SFSWAP: variants seen among roughly 807,000 people sequenced by gnomAD.
The protein encoded by SFSWAP is splicing factor SWAP, also known as splicing factor, suppressor of white-apricot homolog.
SFSWAP carries 17 observed loss-of-function variants against 100.7 expected under a neutral mutation model. The ratio of observed to expected loss-of-function variants is 0.17; its 90% CI spans 0.12 to 0.25. The LOEUF (loss-of-function observed/expected upper bound fraction) is 0.25. Ranked by LOEUF, SFSWAP falls within the 10% of genes least tolerant of loss-of-function variation. The pLI, the probability that SFSWAP is intolerant of heterozygous loss-of-function variation, is 1.00. For missense variants in SFSWAP, 1,005 were observed against 1,262.6 expected (o/e 0.80, Z 3.09); for synonymous variants, 504 against 510.1 (o/e 0.99, Z 0.16).
intron 15 of SFSWAP, among the ~76,000 whole-genome samples, chr12:131,789,358 T>G (rs1455682966): frequency 1.3e-5 from 2 of 152,152 alleles, no homozygotes; most frequent in Non-Finnish European, 2.9e-5. Context: ...ATAGGCAAGT[T>G]TTTAAAATAG....
intron 4 of SFSWAP, among the ~76,000 whole-genome samples, chr12:131,724,728 G>C (rs1169172753): frequency 6.6e-6 from 1 of 152,248 alleles, no homozygotes; most frequent in African/African-American, 2.4e-5. Context: ...ATGAAGGGAT[G>C]GGGGAGGGCT....
chr12:131,753,079 C>T, intron 7 of SFSWAP, 44 bp from the exon 8 acceptor site: 2 of 1,607,464 alleles, frequency 1.2e-6, no homozygotes, highest in South Asian at 1.1e-5. Flanking sequence ...CATGGACCAG[C>T]CTGTGGCCGG....
At position 131,783,807 on chromosome 12, in the gene SFSWAP, T is replaced by C. The variant is rs955935552; in HGVS notation, c.2409-2656T>C. 2 of 132,516 alleles carry C rather than the reference T, an allele frequency of 1.5e-5. 1 individual carries two copies. The highest frequency in any genetic ancestry group is 3.3e-5 in the Non-Finnish European group (2 of 61,300). 8.2% of individuals were successfully genotyped at this position (132,516 alleles called of 1,614,324 possible). A position where few individuals can be genotyped will look rare whatever the true frequency, so the allele number is the denominator to read the frequency against. On this transcript the variant is annotated intron_variant, in intron 14 of 17. Coordinates refer to ENST00000261674, the MANE Select transcript of SFSWAP (RefSeq NM_004592.4). ...AAAAAACATTTTATATATATATATA[T>C]ATATATATATATATAATTCTTTGTA...
intron 4 of SFSWAP, among the ~76,000 whole-genome samples, chr12:131,723,743 G>A (rs1215715027): frequency 6.6e-6 from 1 of 152,162 alleles, no homozygotes; most frequent in African/African-American, 2.4e-5. Flanking sequence ...CTGACCTGTA[G>A]ATACCTTTCT....
chr12:131,714,634 G>C lies in SFSWAP; in HGVS notation c.389-188G>C, dbSNP rs1877709904. ...AAGACGTGTATTCAGCTGTCTGTGGGTAAACATGTACTGACAAAAGTACAT... is the reference window on the plus strand; with the variant it reads ...AAGACGTGTATTCAGCTGTCTGTGGCTAAACATGTACTGACAAAAGTACAT... On this transcript the variant is annotated intron_variant, in intron 2 of 17. Transcript: ENST00000261674. This position sits in a 1 kb window ranked among gnomAD's most constrained non-coding sequence, Gnocchi z 6.0. 1.7e-6 allele frequency: 1 copy of C among 594,894 alleles called. No individual in the cohort carries two copies. Among genetic ancestry groups the C allele is most frequent in the African/African-American group, 1.9e-5 (1 of 53,854 alleles). 36.9% of individuals were successfully genotyped at this position (594,894 alleles called of 1,614,324 possible).
intron 3 of SFSWAP, among the ~76,000 whole-genome samples, chr12:131,715,938 G>A (rs566683510): frequency 3.9e-5 from 6 of 152,316 alleles, no homozygotes; most frequent in East Asian, 3.9e-4. Context: ...GAGCTCAAGT[G>A]ATCCTACTGC....
At chr12:131,748,745 T>TA (rs1373557549) in intron 7 of SFSWAP, among the ~76,000 whole-genome samples, 1 of 152,264 alleles carries the variant, frequency 6.6e-6, no homozygotes, top group Non-Finnish European at 1.5e-5. Flanking sequence ...GAGAAGGACT[T>TA]ACAAATGTGC....
chr12:131,739,335 G>C (rs12312632), intron 7 of SFSWAP, among the ~76,000 whole-genome samples: 24,935 of 152,022 alleles, frequency 0.16, 2,346 homozygotes, highest in South Asian at 0.28. Flanking sequence ...AATATGCATT[G>C]CCACCGCTAG....
chr12:131,754,599 T>G, intron 9 of SFSWAP, 100 bp downstream of exon 9: 2 of 823,692 alleles, frequency 2.4e-6, no homozygotes, highest in East Asian at 7.6e-5. Flanking sequence ...TTTTTATATA[T>G]TTTTAAGCCT....
rs998441645 is a variant in SFSWAP, at chr12:131,725,452, C to T, written c.654C>T (p.Phe218=). The T allele has an allele frequency of 1.1e-5, 18 of 1,614,052 alleles. No homozygotes were observed. Among genetic ancestry groups the T allele is most frequent in the Admixed American group, 3.3e-5 (2 of 60,006 alleles). The change falls in exon 5 of 18, where the codon TTC becomes TTT. Residue 218 remains phenylalanine, a synonymous_variant. Transcript: ENST00000261674. The surrounding 1 kb of genome is among the most constrained non-coding windows in gnomAD (Gnocchi z 4.3). Reference sequence around the variant, plus strand: ...CCATCATCGAGCGCACGGCCAGCTTCGTGTGCAGGCAGGGAGCACAGTTTG... The same window carrying T: ...CCATCATCGAGCGCACGGCCAGCTTTGTGTGCAGGCAGGGAGCACAGTTTG... ...MHAIIERTAS[F]VCRQGAQFEI... is the part of the protein sequence containing the mutation.
rs773234916 is a variant in SFSWAP, at chr12:131,785,331, C to T, written c.2409-1132C>T. 12 of 1,100,306 alleles carry T rather than the reference C, an allele frequency of 1.1e-5. 1 individual carries two copies. Among genetic ancestry groups the T allele is most frequent in the Non-Finnish European group, 1.4e-5 (11 of 774,346 alleles). 68.2% of individuals were successfully genotyped at this position (1,100,306 alleles called of 1,614,324 possible). ...TCCGTTAAAGGGCAGCCACTCCTGG[C>T]CCTCCAGGATGCCGGGGTCTGAGTG... On this transcript the variant is annotated intron_variant, in intron 14 of 17. Coordinates refer to ENST00000261674, the MANE Select transcript of SFSWAP (RefSeq NM_004592.4).
intron 3 of SFSWAP, among the ~76,000 whole-genome samples, chr12:131,715,187 G>T (rs1260032453): frequency 2.0e-5 from 3 of 152,182 alleles, no homozygotes; most frequent in African/African-American, 4.8e-5. Context: ...ATTGATTCGG[G>T]TAACAGAATT....
rs564543129 is a variant in SFSWAP, at chr12:131,780,550, C to T, written c.2408+2220C>T. On this transcript the variant is annotated intron_variant, in intron 14 of 17. Transcript: ENST00000261674. The stretch of plus-strand genomic sequence containing the variant: ...GATGCTTTGAACTCCTGAGCTCAAG[C>T]GTAGAGTCTGAGGTGGAAGGATTGC... 2.6e-4 allele frequency among the ~76,000 whole-genome samples: 40 copies of T among 152,172 alleles called. 1 individual carries two copies. In the South Asian group the frequency reaches 7.9e-3, roughly 30 times the overall value.
intron 7 of SFSWAP, among the ~76,000 whole-genome samples, chr12:131,735,238 T>C (rs1879895232): frequency 6.6e-6 from 1 of 152,208 alleles, no homozygotes; most frequent in African/African-American, 2.4e-5. Context: ...GCATCATCCC[T>C]ACACGCCCGC....
chr12:131,763,958 C>G (rs1046535876), intron 11 of SFSWAP, among the ~76,000 whole-genome samples: 3 of 152,002 alleles, frequency 2.0e-5, no homozygotes, highest in African/African-American at 7.3e-5. Flanking sequence ...AACCCCATCT[C>G]TACTAAAAAT....
Position 131,725,767 on chromosome 12 carries a change from A to G in SFSWAP, c.832+137A>G, listed in dbSNP as rs1293653522. 1 of 667,446 alleles carries G rather than the reference A, an allele frequency of 1.5e-6. No homozygotes were observed. The allele number at this position is 667,446 out of a possible 1,614,324, so 41.3% of individuals were successfully genotyped here. Reference sequence around the variant, plus strand: ...TGAAAGCCAGACTCGAATTTCTAGAATGTGTCTGAAATCCTGCAGCTAAGG... The same window carrying G: ...TGAAAGCCAGACTCGAATTTCTAGAGTGTGTCTGAAATCCTGCAGCTAAGG... On this transcript the variant is annotated intron_variant, in intron 5 of 17. Coordinates refer to ENST00000261674, the MANE Select transcript of SFSWAP (RefSeq NM_004592.4). This position sits in a 1 kb window ranked among gnomAD's most constrained non-coding sequence, Gnocchi z 4.3.
chr12:131,774,266 T>C (rs1883839830), intron 13 of SFSWAP, among the ~76,000 whole-genome samples: 1 of 152,224 alleles, frequency 6.6e-6, no homozygotes, highest in Non-Finnish European at 1.5e-5. Context: ...TGTAGTGTCC[T>C]TCACAAATAA....
chr12:131,752,838 C>T (rs1404241568), intron 7 of SFSWAP, among the ~76,000 whole-genome samples: 2 of 152,228 alleles, frequency 1.3e-5, no homozygotes, highest in Non-Finnish European at 2.9e-5. Flanking sequence ...TTAAGGAGGA[C>T]ATTAATTTGT....
chr12:131,774,022 A>G (rs1376165091), intron 13 of SFSWAP, among the ~76,000 whole-genome samples: 2 of 152,348 alleles, frequency 1.3e-5, no homozygotes, highest in South Asian at 2.1e-4. Flanking sequence ...AACCGGAATG[A>G]CAATGGGAGG....
Sources: allele counts gnomAD v4.1 joint callset (sites outside exome capture counted in the v4.1 genomes callset), GRCh38; gene constraint gnomAD v4.1.1; non-coding constraint Gnocchi (gnomAD v3.1); transcripts MANE v1.5; gene names NCBI Gene and HGNC (gene_info 2026-07-23, HGNC 2026-07-21).